Variants in RASA3 observed in about 807,000 individuals in gnomAD.
RASA3 encodes RAS p21 protein activator 3, also known as ras GTPase-activating protein 3.
Under a neutral mutation model 110.0 loss-of-function variants are expected in RASA3, and 73 were observed. The observed-to-expected ratio is 0.66, with a 90% CI of 0.55 to 0.81. The LOEUF is 0.81. Ranked by LOEUF, RASA3 falls within the 30% of genes least tolerant of loss-of-function variation. The pLI, the probability that RASA3 is intolerant of heterozygous loss-of-function variation, is 0.00. For missense variants in RASA3, 976 were observed against 1,113.2 expected, an observed-to-expected ratio of 0.88 and a Z score of 1.75; for synonymous variants, 500 against 451.4, an observed-to-expected ratio of 1.11 and a Z score of -1.37.
At chr13:114,052,934 T>C (rs2079173556) in intron 2 of RASA3, among the ~76,000 whole-genome samples, 1 of 115,046 alleles carries the variant, frequency 8.7e-6, no homozygotes, top group African/African-American at 3.4e-5. Context: ...CTGCTGACTG[T>C]ACTTAGAGTC....
Position 114,057,269 on chromosome 13 carries a change from A to G in RASA3, c.174-5114T>C. On this transcript the variant is annotated intron_variant, in intron 2 of 23. Coordinates refer to ENST00000334062, the MANE Select transcript of RASA3 (RefSeq NM_007368.4). This position sits in a 1 kb window ranked among gnomAD's most constrained non-coding sequence, Gnocchi z 5.0. ...CGGGTCACCTCAAGTCTTTCAGGAA[A>G]CCAGGCAGGACATCTGCAGGCGGCC... is the stretch of plus-strand genomic sequence containing the variant. 1.0e-6 allele frequency: 1 copy of G among 985,366 alleles called. No homozygotes were observed. 61.0% of individuals were successfully genotyped at this position (985,366 alleles called of 1,614,324 possible). A position where few individuals can be genotyped will look rare whatever the true frequency, so the allele number is the denominator to read the frequency against.
At chr13:114,080,094 C>CA (rs1299435221) in intron 1 of RASA3, among the ~76,000 whole-genome samples, 1 of 152,230 alleles carries the variant, frequency 6.6e-6, no homozygotes, top group Non-Finnish European at 1.5e-5. Context: ...GGGCAGACGG[C>CA]ACCTGCTCTA....
intron 17 of RASA3, 45 bp from the exon 18 acceptor site, chr13:114,007,651 T>G (rs2053546476): frequency 6.9e-7 from 1 of 1,453,288 alleles, no homozygotes; most frequent in African/African-American, 1.4e-5. Flanking sequence ...GCCACACATC[T>G]GACGTGCACG....
intron 14 of RASA3, among the ~76,000 whole-genome samples, chr13:114,013,820 CTT>C (rs1434929219): frequency 6.7e-6 from 1 of 148,854 alleles, no homozygotes; most frequent in Non-Finnish European, 1.5e-5. Context: ...CTCCCCGTCT[CTT>C]TCTCTCCGTC....
chr13:114,034,881 G>A (rs971094696), intron 4 of RASA3, among the ~76,000 whole-genome samples: 3 of 152,166 alleles, frequency 2.0e-5, no homozygotes, highest in African/African-American at 7.2e-5. Context: ...TAGAGCAGAA[G>A]GGAGATCTGA....
At chr13:114,064,951 C>T (rs1026341785) in intron 2 of RASA3, among the ~76,000 whole-genome samples, 7 of 152,260 alleles carry the variant, frequency 4.6e-5, no homozygotes, top group African/African-American at 1.4e-4. Flanking sequence ...ACGCAGCAGC[C>T]TCTCCCTCTG....
In RASA3 at chr13:114,009,351, G is replaced by A. The variant is rs757422258; in HGVS notation, c.1668+36C>T. The A allele has an allele frequency of 1.4e-5, 21 of 1,520,938 alleles. No homozygotes were observed. In the Admixed American group the frequency reaches 2.5e-4, roughly 18 times the overall value. 94.2% of individuals were successfully genotyped at this position (1,520,938 alleles called of 1,614,324 possible). ...AAAGAGAACTCCGTCTCCTGAGCAC[G>A]GCACACGGGCGGTCGGAGGGTGAGT... On this transcript the variant is annotated intron_variant, in intron 17 of 23. Coordinates refer to ENST00000334062, the MANE Select transcript of RASA3 (RefSeq NM_007368.4).
intron 4 of RASA3, among the ~76,000 whole-genome samples, chr13:114,038,036 T>C (rs909670140): frequency 6.6e-6 from 1 of 150,870 alleles, no homozygotes; most frequent in African/African-American, 2.4e-5. Flanking sequence ...ACTGTTTTGA[T>C]GCCTTCCTAT....
intron 1 of RASA3, among the ~76,000 whole-genome samples, chr13:114,080,807 CCTG>C (rs2139692776): frequency 7.5e-6 from 1 of 133,854 alleles, no homozygotes; most frequent in Non-Finnish European, 1.6e-5. Flanking sequence ...TGTTCAGTGT[CCTG>C]CTGCACACGG....
chr13:114,024,071 G>A (rs576712939), intron 8 of RASA3, among the ~76,000 whole-genome samples: 13 of 152,346 alleles, frequency 8.5e-5, no homozygotes, highest in African/African-American at 2.4e-4. Flanking sequence ...TCTGGCTTTC[G>A]CCTCTTCGCA....
rs778893442 is a variant in RASA3, at chr13:114,017,223, G to A, written c.1206+14C>T. 29 of 1,604,780 alleles carry A rather than the reference G, an allele frequency of 1.8e-5. No homozygotes were observed. The highest frequency in any genetic ancestry group is 8.8e-5 in the South Asian group (8 of 90,912). ...ACGCCTCGTGAGGCTGAGGACTCTC[G>A]GCCCCGTGCTCACCTCCTCGATGGC... On this transcript the variant is annotated intron_variant, in intron 12 of 23. Coordinates refer to ENST00000334062, the MANE Select transcript of RASA3 (RefSeq NM_007368.4).
intron 2 of RASA3, 100 bp downstream of exon 2, chr13:114,073,620 C>T: frequency 1.0e-6 from 1 of 1,001,758 alleles, no homozygotes; most frequent in Non-Finnish European, 1.6e-6. Context: ...TCGGGACGTT[C>T]TCCACACATG....
chr13:114,015,340 G>A lies in RASA3; in HGVS notation c.1282-8C>T, dbSNP rs771941605. The A allele has an allele frequency of 3.1e-6, 5 of 1,612,332 alleles. No homozygotes were observed. The highest frequency in any genetic ancestry group is 1.1e-5 in the South Asian group (1 of 91,088). The stretch of plus-strand genomic sequence containing the variant: ...ATACTGCCGTAGGTTCTCCTGCAAC[G>A]GGACACGGCACTGGGACCCACTCCC... On this transcript the variant is annotated splice_region_variant and splice_polypyrimidine_tract_variant and intron_variant, in intron 13 of 23. Transcript: ENST00000334062.
chr13:113,993,045 A>G (rs1188027592), intron 21 of RASA3, among the ~76,000 whole-genome samples: 1 of 152,222 alleles, frequency 6.6e-6, no homozygotes, highest in Admixed American at 6.5e-5. Context: ...CCAGTGTAAT[A>G]TGTAATACTT....
intron 3 of RASA3, 86 bp downstream of exon 3, chr13:114,051,966 C>G: frequency 9.1e-7 from 1 of 1,100,762 alleles, no homozygotes; most frequent in Non-Finnish European, 1.4e-6. Flanking sequence ...TCAGCACCAT[C>G]CAGCCAGGCT....
At chr13:114,088,611 G>C (rs1259499336) in intron 1 of RASA3, among the ~76,000 whole-genome samples, 1 of 151,760 alleles carries the variant, frequency 6.6e-6, no homozygotes. Context: ...GAGTGCGATG[G>C]TGCAATCTTG....
Position 114,131,524 on chromosome 13 carries a change from C to T in RASA3, c.55+911G>A, listed in dbSNP as rs548647083. 3.3e-5 allele frequency among the ~76,000 whole-genome samples: 5 copies of T among 152,356 alleles called. 1 individual carries two copies. Among genetic ancestry groups the T allele is most frequent in the African/African-American group, 1.2e-4 (5 of 41,584 alleles). ...TAAACCAGAAGTCCAGACACAGCCTCCTCTCCGGAAACGCCTCCGGGAGCC... is the reference window on the plus strand; with the variant it reads ...TAAACCAGAAGTCCAGACACAGCCTTCTCTCCGGAAACGCCTCCGGGAGCC... On this transcript the variant is annotated intron_variant, in intron 1 of 23. Coordinates refer to ENST00000334062, the MANE Select transcript of RASA3 (RefSeq NM_007368.4).
chr13:113,997,978 C>G (rs949789295), intron 20 of RASA3, among the ~76,000 whole-genome samples: 6 of 152,206 alleles, frequency 3.9e-5, no homozygotes, highest in Non-Finnish European at 7.4e-5. Context: ...ATCCCAGGCT[C>G]GGCCCTGCCA....
chr13:114,020,752 G>A (rs1480893076), intron 9 of RASA3, among the ~76,000 whole-genome samples: 10 of 152,226 alleles, frequency 6.6e-5, no homozygotes. Flanking sequence ...GTCCTGGGGT[G>A]GGTTCTGGGT....
Sources: gnomAD v4.1 joint callset for allele counts (sites outside exome capture counted in the v4.1 genomes callset) on GRCh38, gnomAD v4.1.1 for gene constraint, Gnocchi (gnomAD v3.1) non-coding constraint, MANE v1.5 for transcripts, NCBI Gene and HGNC (gene_info 2026-07-23, HGNC 2026-07-21) for gene names.